Variants in MEDAG observed in about 807,000 individuals in gnomAD.
MEDAG encodes mesenteric estrogen-dependent adipogenesis protein.
MEDAG carries 25 observed loss-of-function variants against 29.9 expected under a neutral mutation model. That is an observed-to-expected ratio of 0.84 (90% CI 0.61 to 1.17). The LOEUF (loss-of-function observed/expected upper bound fraction) is 1.17. Ranked by LOEUF, MEDAG falls within the 50% of genes most tolerant of loss-of-function variation. The pLI, the probability that MEDAG is intolerant of heterozygous loss-of-function variation, is 0.00. For missense variants in MEDAG, 398 were observed against 372.9 expected (o/e 1.07, Z -0.56); for synonymous variants, 158 against 148.2 (o/e 1.07, Z -0.48).
At chr13:30,913,082 T>A (rs887470716) in intron 1 of MEDAG, among the ~76,000 whole-genome samples, 3 of 152,196 alleles carry the variant, frequency 2.0e-5, no homozygotes, top group Non-Finnish European at 4.4e-5. Context: ...TCCCTCAAGG[T>A]CATAGTGAGT....
At chr13:30,918,619 G>A (rs74755739) in intron 2 of MEDAG, among the ~76,000 whole-genome samples, 1 of 152,164 alleles carries the variant, frequency 6.6e-6, no homozygotes, top group Non-Finnish European at 1.5e-5. Context: ...TGTGGGGGAA[G>A]TCATGGGCAT....
In MEDAG at chr13:30,906,544, C is replaced by A. The variant is rs1438066911; in HGVS notation, c.29C>A (p.Ala10Asp). 6.5e-7 allele frequency: 1 copy of A among 1,532,980 alleles called. No individual in the cohort carries two copies. Among genetic ancestry groups the A allele is most frequent in the South Asian group, 1.2e-5 (1 of 82,024 alleles). The allele number at this position is 1,532,980 out of a possible 1,614,324, so 95.0% of individuals were successfully genotyped here. MAGAACEPV[A>D]RPSLTSISSG... Reference sequence around the variant, plus strand: ...GCGGGGGCGGCCTGCGAGCCGGTGGCCAGGCCGAGCCTGACCTCCATCTCG... The same window carrying A: ...GCGGGGGCGGCCTGCGAGCCGGTGGACAGGCCGAGCCTGACCTCCATCTCG... The change falls in exon 1 of 5, where the codon GCC becomes GAC. Residue 10 changes from alanine (A) to aspartate (D), a missense_variant. Ala to Asp is a moderately radical substitution (Grantham distance 126). Transcript: ENST00000380482.
chr13:30,921,010 C>A lies in MEDAG; in HGVS notation c.389-4C>A. 1 of 1,611,596 alleles carries A rather than the reference C, an allele frequency of 6.2e-7. No individual in the cohort carries two copies. Among genetic ancestry groups the A allele is most frequent in the East Asian group, 2.2e-5 (1 of 44,876 alleles). ...GTTTCTGAATTCTGCTTGCTAATTTCTAGAAAGGACGTACGCGTTTCTTGT... is the reference window on the plus strand; with the variant it reads ...GTTTCTGAATTCTGCTTGCTAATTTATAGAAAGGACGTACGCGTTTCTTGT... On this transcript the variant is annotated splice_region_variant and splice_polypyrimidine_tract_variant and intron_variant, in intron 2 of 4. Coordinates refer to ENST00000380482, the MANE Select transcript of MEDAG (RefSeq NM_032849.4).
intron 1 of MEDAG, among the ~76,000 whole-genome samples, chr13:30,912,295 C>T (rs565137881): frequency 7.2e-5 from 11 of 152,216 alleles, no homozygotes; most frequent in African/African-American, 2.2e-4. Context: ...GAGATTAGGG[C>T]GAGACTCTGT....
intron 1 of MEDAG, among the ~76,000 whole-genome samples, chr13:30,912,046 G>C (rs1004380746): frequency 2.4e-4 from 36 of 152,230 alleles, no homozygotes; most frequent in African/African-American, 8.7e-4. Flanking sequence ...TGTCCCCAGT[G>C]CCCAGCACAC....
chr13:30,907,567 C>A (rs1268183132), intron 1 of MEDAG, among the ~76,000 whole-genome samples: 2 of 152,182 alleles, frequency 1.3e-5, no homozygotes, highest in African/African-American at 2.4e-5. Flanking sequence ...TTTGGTGCCA[C>A]AGGGTAAAGG....
At chr13:30,917,535 T>C (rs1022765497) in intron 2 of MEDAG, 23 bp downstream of exon 2, 2 of 1,238,144 alleles carry the variant, frequency 1.6e-6, no homozygotes, top group Non-Finnish European at 2.4e-6. Flanking sequence ...ATTAGTCCAT[T>C]TTCACACTGC....
Position 30,921,021 on chromosome 13 carries a change from G to T in MEDAG, c.396G>T (p.Thr132=), listed in dbSNP as rs41291239. The change falls in exon 3 of 5, where the codon ACG becomes ACT. Residue 132 remains threonine, a synonymous_variant. Transcript: ENST00000380482. ...QTKKDTSKER[T]YAFLVNTRHP... The stretch of plus-strand genomic sequence containing the variant: ...CTGCTTGCTAATTTCTAGAAAGGAC[G>T]TACGCGTTTCTTGTAAACACGAGGC... The T allele has an allele frequency of 5.0e-6, 8 of 1,613,206 alleles. No homozygotes were observed. The highest frequency in any genetic ancestry group is 5.9e-6 in the Non-Finnish European group (7 of 1,179,594).
chr13:30,914,061 A>T (rs1328388042), intron 1 of MEDAG, among the ~76,000 whole-genome samples: 1 of 152,150 alleles, frequency 6.6e-6, no homozygotes, highest in Non-Finnish European at 1.5e-5. Flanking sequence ...ACAAACGAAC[A>T]CACAAACAAA....
In MEDAG at chr13:30,921,987, G is replaced by A. The variant is rs1314934999; in HGVS notation, c.787+141G>A. The A allele has an allele frequency of 4.4e-6, 4 of 912,898 alleles. No homozygotes were observed. In the Admixed American group the frequency reaches 9.9e-5, roughly 23 times the overall value. 56.5% of individuals were successfully genotyped at this position (912,898 alleles called of 1,614,324 possible). A position where few individuals can be genotyped will look rare whatever the true frequency, so the allele number is the denominator to read the frequency against. On this transcript the variant is annotated intron_variant, in intron 4 of 4. Transcript: ENST00000380482. ...GATCACAAAATTCAGAAAGTAAGAA[G>A]TGGGGCATGTTTATTACCAAAAACA...
intron 3 of MEDAG, 96 bp from the exon 4 acceptor site, chr13:30,921,465 G>A: frequency 1.8e-6 from 2 of 1,092,052 alleles, no homozygotes; most frequent in African/African-American, 1.6e-5. Flanking sequence ...GAAATAAGAG[G>A]TGTGATGTTT....
intron 4 of MEDAG, 58 bp from the exon 5 acceptor site, chr13:30,924,253 T>C (rs577992797): frequency 1.8e-4 from 271 of 1,519,636 alleles, no homozygotes; most frequent in Non-Finnish European, 2.4e-4. Context: ...AAAGGCACTG[T>C]TGGTTTTTTT....
intron 2 of MEDAG, among the ~76,000 whole-genome samples, chr13:30,919,958 A>AG (rs1952966919): frequency 6.6e-6 from 1 of 152,240 alleles, no homozygotes; most frequent in African/African-American, 2.4e-5. Flanking sequence ...ATTGAACATG[A>AG]GGGGTTACCA....
chr13:30,906,579 C>T lies in MEDAG; in HGVS notation c.64C>T (p.Leu22Phe), dbSNP rs776912049. The change falls in exon 1 of 5, where the codon CTT becomes TTT. Residue 22 changes from leucine (L) to phenylalanine (F), a missense_variant. Physicochemically the swap from Leu to Phe is conservative, Grantham distance 22. Coordinates refer to ENST00000380482, the MANE Select transcript of MEDAG (RefSeq NM_032849.4). The stretch of plus-strand genomic sequence containing the variant: ...CCTGACCTCCATCTCGTCTGGGGAG[C>T]TTCGCAGCCTGTGGACCTGCGACTG... Reference protein sequence around the residue: ...PSLTSISSGELRSLWTCDCEL... With the variant: ...PSLTSISSGEFRSLWTCDCEL... 1.3e-6 allele frequency: 2 copies of T among 1,584,676 alleles called. No individual in the cohort carries two copies. The highest frequency in any genetic ancestry group is 1.1e-5 in the South Asian group (1 of 88,856).
chr13:30,921,894 G>A (rs1952990605), intron 4 of MEDAG, 48 bp downstream of exon 4: 2 of 1,525,974 alleles, frequency 1.3e-6, no homozygotes, highest in Non-Finnish European at 1.8e-6. Flanking sequence ...TAAATAAAAG[G>A]GTAGAGTAAA....
In MEDAG at chr13:30,924,614, C is replaced by G; in HGVS notation, c.*179C>G. ...TCTGTGGATGTGATGCCCTGGCAGG[C>G]CCAGGGCAGCTGATTCCCCTAAAAC... On this transcript the variant is annotated 3_prime_UTR_variant, in exon 5 of 5. Transcript: ENST00000380482. 1.8e-6 allele frequency: 1 copy of G among 566,362 alleles called. No individual in the cohort carries two copies. The highest frequency in any genetic ancestry group is 3.0e-6 in the Non-Finnish European group (1 of 338,848). 35.1% of individuals were successfully genotyped at this position (566,362 alleles called of 1,614,324 possible).
At position 30,917,522 on chromosome 13, in the gene MEDAG, T is replaced by A; in HGVS notation, c.388+10T>A. ...AAAGACACCTCAAAAGGTAAGTATC[T>A]ATATTAGTCCATTTTCACACTGCTA... On this transcript the variant is annotated intron_variant, in intron 2 of 4. Coordinates refer to ENST00000380482, the MANE Select transcript of MEDAG (RefSeq NM_032849.4). The A allele has an allele frequency of 7.1e-7, 1 of 1,410,794 alleles. No homozygotes were observed. The highest frequency in any genetic ancestry group is 1.0e-6 in the Non-Finnish European group (1 of 999,044). The allele number at this position is 1,410,794 out of a possible 1,614,324, so 87.4% of individuals were successfully genotyped here. A position where few individuals can be genotyped will look rare whatever the true frequency, so the allele number is the denominator to read the frequency against.
intron 2 of MEDAG, among the ~76,000 whole-genome samples, chr13:30,918,292 T>TATGAAA (rs1320871386): frequency 2.0e-5 from 3 of 152,216 alleles, no homozygotes; most frequent in African/African-American, 7.2e-5. Flanking sequence ...TTCAGGACGT[T>TATGAAA]ATGAACATGA....
At chr13:30,923,973 G>A (rs1333038472) in intron 4 of MEDAG, among the ~76,000 whole-genome samples, 2 of 152,008 alleles carry the variant, frequency 1.3e-5, no homozygotes, top group African/African-American at 4.8e-5. Context: ...GGCAGAGCAC[G>A]GGGCCACTAG....
Sources: gnomAD v4.1 joint callset for allele counts (sites outside exome capture counted in the v4.1 genomes callset) on GRCh38, gnomAD v4.1.1 for gene constraint, MANE v1.5 for transcripts, NCBI Gene and HGNC (gene_info 2026-07-23, HGNC 2026-07-21) for gene names.